Variants in GSN observed in about 807,000 individuals in gnomAD.
The protein encoded by GSN is actin-depolymerizing factor.
A neutral mutation model predicts 85.7 loss-of-function variants in GSN; 56 were observed. The ratio of observed to expected loss-of-function variants is 0.65; its 90% CI spans 0.53 to 0.82. The LOEUF (loss-of-function observed/expected upper bound fraction) is 0.82, where lower values mean the gene tolerates loss of function less well. Among genes scored for constraint, GSN ranks in the 40% least tolerant of loss-of-function variants. The probability of loss-of-function intolerance (pLI) is 0.00; values close to 1 mark genes in which losing one functional copy is unlikely to be tolerated. For synonymous variants in GSN, 373 were observed against 399.1 expected (o/e 0.93, Z 0.78); for missense variants, 857 against 979.8 (o/e 0.87, Z 1.67).
intron 5 of GSN, 123 bp downstream of exon 5, chr9:121,310,968 G>A: frequency 2.4e-6 from 2 of 832,892 alleles, no homozygotes; most frequent in South Asian, 2.9e-5. Context: ...GACCAGCATT[G>A]TTCACGTACA....
upstream of GSN, among the ~76,000 whole-genome samples, chr9:121,266,961 C>T (rs1183947291): frequency 2.0e-5 from 3 of 152,308 alleles, no homozygotes; most frequent in South Asian, 2.1e-4. Flanking sequence ...GGCTTCTGTG[C>T]TACTTAAACA....
At chr9:121,317,324 G>T in intron 8 of GSN, 106 bp downstream of exon 8, 2 of 1,246,602 alleles carry the variant, frequency 1.6e-6, no homozygotes, top group Non-Finnish European at 1.2e-6. Flanking sequence ...TGTGCCTGGT[G>T]CAATGGAAAT....
At chr9:121,211,360 C>G (rs1306830120) in intron 4 of GSN, among the ~76,000 whole-genome samples, 1 of 152,114 alleles carries the variant, frequency 6.6e-6, no homozygotes, top group Admixed American at 6.5e-5. Context: ...AAGCATATGA[C>G]AGCAAAAACA....
intron 3 of GSN, 92 bp from the exon 4 acceptor site, chr9:121,302,819 G>T (rs1035149170): frequency 4.0e-6 from 5 of 1,245,620 alleles, no homozygotes; most frequent in Non-Finnish European, 4.7e-6. Flanking sequence ...GCTAGGTCAG[G>T]GCAGTGCTGG....
chr9:121,268,715 C>G (rs1031445137), intron 1 of GSN, among the ~76,000 whole-genome samples: 1 of 152,180 alleles, frequency 6.6e-6, no homozygotes, highest in Non-Finnish European at 1.5e-5. Flanking sequence ...AAAGTTCTTC[C>G]TTACACTGTC....
upstream of GSN, among the ~76,000 whole-genome samples, chr9:121,263,888 C>CAA (rs34342246): frequency 0.06 from 4,210 of 70,340 alleles, 168 homozygotes; most frequent in Non-Finnish European, 0.063. Flanking sequence ...AACTCCATCT[C>CAA]AAAAAAAAAA....
intron 6 of GSN, among the ~76,000 whole-genome samples, chr9:121,262,381 G>A (rs1171507401): frequency 6.6e-6 from 1 of 152,190 alleles, no homozygotes; most frequent in African/African-American, 2.4e-5. Flanking sequence ...TTGGAGACAA[G>A]AATACCTAAC....
At chr9:121,317,551 A>G in intron 8 of GSN, 1 of 352,882 alleles carries the variant, frequency 2.8e-6, no homozygotes, top group Non-Finnish European at 5.5e-6. Flanking sequence ...CATGGGCAAC[A>G]GTGGATTTTA....
At chr9:121,266,697 T>C (rs2055222642), upstream of GSN, among the ~76,000 whole-genome samples, 1 of 152,206 alleles carries the variant, frequency 6.6e-6, no homozygotes, top group Non-Finnish European at 1.5e-5. Context: ...TTCTGTGGGC[T>C]TGGCCTGCTC....
intron 1 of GSN, among the ~76,000 whole-genome samples, chr9:121,271,527 T>A (rs1034892787): frequency 2.0e-5 from 3 of 152,156 alleles, no homozygotes; most frequent in Admixed American, 6.5e-5. Flanking sequence ...GTGTGGCTAT[T>A]GGGTGATGGT....
At chr9:121,250,788 C>T (rs1281837720) in intron 6 of GSN, among the ~76,000 whole-genome samples, 1 of 151,732 alleles carries the variant, frequency 6.6e-6, no homozygotes. Context: ...TCACCTGCCT[C>T]GGCCTCCCAA....
intron 6 of GSN, among the ~76,000 whole-genome samples, chr9:121,250,935 C>T (rs574202674): frequency 6.7e-6 from 1 of 149,748 alleles, no homozygotes; most frequent in Admixed American, 6.7e-5. Context: ...CTGGCTCCTA[C>T]CTTAGCCTCC....
chr9:121,332,483 C>T lies in GSN; in HGVS notation c.2076C>T (p.Pro692=). ...TDPANRDRRT[P]ITVVKQGFEP... is the part of the protein sequence containing the mutation. Reference sequence around the variant, plus strand: ...CAGCCAATCGGGATCGGCGGACGCCCATCACCGTGGTGAAGCAAGGCTTTG... The same window carrying T: ...CAGCCAATCGGGATCGGCGGACGCCTATCACCGTGGTGAAGCAAGGCTTTG... The change falls in exon 18 of 18, where the codon CCC becomes CCT. Residue 692 remains proline (P), a synonymous_variant. Transcript: ENST00000432226. This position sits in a 1 kb window ranked among gnomAD's most constrained non-coding sequence, Gnocchi z 4.8. 2 of 1,613,982 alleles carry T rather than the reference C, an allele frequency of 1.2e-6. No individual in the cohort carries two copies. The highest frequency in any genetic ancestry group is 1.1e-5 in the South Asian group (1 of 91,078).
At chr9:121,213,377 T>C (rs116034629) in intron 4 of GSN, among the ~76,000 whole-genome samples, 3,906 of 152,250 alleles carry the variant, frequency 0.026, 151 homozygotes, top group African/African-American at 0.089. Context: ...AGGAGCCGAA[T>C]CAGGCGTGCT....
intron 5 of GSN, 190 bp from the exon 6 acceptor site, chr9:121,312,149 T>G: frequency 1.7e-6 from 1 of 591,960 alleles, no homozygotes; most frequent in Admixed American, 3.0e-5. Flanking sequence ...TGCGCTCCCA[T>G]CTCCTGGTGT....
Position 121,303,020 on chromosome 9 carries a change from G to A in GSN, c.306G>A (p.Glu102=). 2 of 1,613,974 alleles carry A rather than the reference G, an allele frequency of 1.2e-6. No individual in the cohort carries two copies. The highest frequency in any genetic ancestry group is 1.7e-6 in the Non-Finnish European group (2 of 1,180,022). ...AGCACCGTGAGGTCCAGGGCTTCGAGTCGGCCACCTTCCTAGGCTACTTCA... is the reference window on the plus strand; with the variant it reads ...AGCACCGTGAGGTCCAGGGCTTCGAATCGGCCACCTTCCTAGGCTACTTCA... ...AVQHREVQGF[E]SATFLGYFKS... is the part of the protein sequence containing the mutation. The change falls in exon 4 of 18, where the codon GAG becomes GAA. Residue 102 remains glutamate (E), a synonymous_variant. Coordinates refer to ENST00000432226, the MANE Select transcript of GSN (RefSeq NM_198252.3).
intron 2 of GSN, chr9:121,286,757 G>A: frequency 6.5e-7 from 1 of 1,534,910 alleles, no homozygotes; most frequent in Non-Finnish European, 8.7e-7. Context: ...ATGCCACTGT[G>A]TACAGTAGGT....
At chr9:121,236,548 T>A (rs2054497479) in intron 5 of GSN, among the ~76,000 whole-genome samples, 1 of 152,102 alleles carries the variant, frequency 6.6e-6, no homozygotes, top group African/African-American at 2.4e-5. Context: ...ATATCACATT[T>A]TCTACATTAA....
intron 7 of GSN, 151 bp from the exon 8 acceptor site, chr9:121,316,935 C>T (rs1039951648): frequency 2.9e-5 from 25 of 851,482 alleles, no homozygotes; most frequent in East Asian, 6.6e-5. Context: ...AAGCAGAAAA[C>T]GAAAAAGAAC....
Sources: allele counts gnomAD v4.1 joint callset (sites outside exome capture counted in the v4.1 genomes callset), GRCh38; gene constraint gnomAD v4.1.1; non-coding constraint Gnocchi (gnomAD v3.1); transcripts MANE v1.5; gene names NCBI Gene and HGNC (gene_info 2026-07-23, HGNC 2026-07-21).